The following SUGCT variants were observed in gnomAD, a reference collection of about 807,000 sequenced individuals.
SUGCT encodes the protein succinyl-CoA:glutarate-CoA transferase, also known as succinyl-CoA:glutarate CoA-transferase.
SUGCT carries 41 observed loss-of-function variants against 55.0 expected under a neutral mutation model. That is an observed-to-expected ratio of 0.74 (90% CI 0.58 to 0.97). SUGCT has a LOEUF of 0.97. Ranked by LOEUF, SUGCT falls within the 50% of genes least tolerant of loss-of-function variation. The probability of loss-of-function intolerance (pLI) is 0.00; values close to 1 mark genes in which losing one functional copy is unlikely to be tolerated. For missense variants in SUGCT, 568 were observed against 547.8 expected (o/e 1.04, Z -0.37); for synonymous variants, 187 against 200.4 (o/e 0.93, Z 0.56).
chr7:40,814,318 T>C (rs1791565095), intron 13 of SUGCT, among the ~76,000 whole-genome samples: 1 of 152,280 alleles, frequency 6.6e-6, no homozygotes, highest in Admixed American at 6.5e-5. Flanking sequence ...CTCTTTCTCC[T>C]TCTGTCTCAG....
At chr7:40,910,933 A>G in the SUGCT span, among the ~76,000 whole-genome samples, 2,239 of 152,300 alleles carry the variant, frequency 0.015, 48 homozygotes, top group African/African-American at 0.051. Flanking sequence ...GTTAGTAGTA[A>G]AGACCATCCT....
intron 9 of SUGCT, among the ~76,000 whole-genome samples, chr7:40,352,172 A>C (rs1200434954): frequency 6.6e-6 from 1 of 152,196 alleles, no homozygotes; most frequent in Non-Finnish European, 1.5e-5. Flanking sequence ...TTGTTCTGAG[A>C]TAATTGTGGA....
intron 13 of SUGCT, among the ~76,000 whole-genome samples, chr7:40,826,065 C>G (rs1792297362): frequency 6.6e-6 from 1 of 152,154 alleles, no homozygotes; most frequent in Admixed American, 6.5e-5. Context: ...ATAAACAACT[C>G]AAGTACTGCA....
chr7:40,866,635 A>T, the SUGCT span, among the ~76,000 whole-genome samples: 1 of 151,750 alleles, frequency 6.6e-6, no homozygotes, highest in South Asian at 2.1e-4. Flanking sequence ...ATTCTCAGAA[A>T]CACGACAGAG....
At chr7:40,943,330 G>A in the SUGCT span, among the ~76,000 whole-genome samples, 1 of 150,182 alleles carries the variant, frequency 6.7e-6, no homozygotes, top group Admixed American at 6.6e-5. Context: ...TGCACAATGT[G>A]CAGGTTAGTT....
intron 12 of SUGCT, among the ~76,000 whole-genome samples, chr7:40,682,186 G>A (rs1584265853): frequency 6.6e-6 from 1 of 152,152 alleles, no homozygotes; most frequent in Non-Finnish European, 1.5e-5. Context: ...TGCTAAAAGA[G>A]GGGTCCCTGC....
At chr7:40,167,046 T>A (rs1275483415) in intron 1 of SUGCT, among the ~76,000 whole-genome samples, 2 of 152,214 alleles carry the variant, frequency 1.3e-5, no homozygotes, top group African/African-American at 2.4e-5. Flanking sequence ...GCTAAGTATT[T>A]ACACAAGAGA....
In SUGCT at chr7:40,354,883, A is replaced by C. The variant is rs1271732385; in HGVS notation, c.816+38028A>C. Among the ~76,000 whole-genome samples the C allele has an allele frequency of 3.3e-5, 5 of 152,324 alleles. No homozygotes were observed. In the East Asian group the frequency reaches 9.6e-4, roughly 29 times the overall value. On this transcript the variant is annotated intron_variant, in intron 9 of 13. Transcript: ENST00000335693. Reference sequence around the variant, plus strand: ...TAAATAGTTTACATAATTTCAGTCTACACATTATTATGAGGTTGACCCTAT... The same window carrying C: ...TAAATAGTTTACATAATTTCAGTCTCCACATTATTATGAGGTTGACCCTAT...
the SUGCT span, among the ~76,000 whole-genome samples, chr7:40,870,503 C>A: frequency 4.6e-5 from 7 of 152,332 alleles, no homozygotes; most frequent in Middle Eastern, 3.4e-3. Flanking sequence ...ATCTCAAGAT[C>A]TTTCATTTAA....
chr7:40,713,630 C>T (rs539855034), intron 12 of SUGCT, among the ~76,000 whole-genome samples: 1 of 152,302 alleles, frequency 6.6e-6, no homozygotes, highest in East Asian at 1.9e-4. Context: ...TGTGTTTAAC[C>T]TTTGGGCCTT....
the SUGCT span, among the ~76,000 whole-genome samples, chr7:40,908,174 C>G: frequency 1.3e-5 from 2 of 151,370 alleles, no homozygotes; most frequent in Non-Finnish European, 2.9e-5. Flanking sequence ...GTCAGGAGAT[C>G]GAGACCATTC....
At chr7:40,826,725 C>G (rs1792330951) in intron 13 of SUGCT, among the ~76,000 whole-genome samples, 1 of 152,162 alleles carries the variant, frequency 6.6e-6, no homozygotes, top group Non-Finnish European at 1.5e-5. Context: ...GGGCATCAGT[C>G]TTTGTAAGTA....
At chr7:40,812,126 T>C (rs938847687) in intron 13 of SUGCT, among the ~76,000 whole-genome samples, 2 of 152,160 alleles carry the variant, frequency 1.3e-5, no homozygotes, top group African/African-American at 4.8e-5. Flanking sequence ...TCATGGCAAA[T>C]TAACTTTTTT....
At chr7:40,839,840 G>GT (rs1341595235) in intron 13 of SUGCT, among the ~76,000 whole-genome samples, 1 of 129,536 alleles carries the variant, frequency 7.7e-6, no homozygotes, top group Non-Finnish European at 1.6e-5. Flanking sequence ...CTATTCTACA[G>GT]TAAGTTTGAC....
chr7:40,550,165 G>A (rs141413452), intron 12 of SUGCT, among the ~76,000 whole-genome samples: 3,110 of 152,236 alleles, frequency 0.02, 52 homozygotes, highest in South Asian at 0.066. Context: ...TGTTATCTAT[G>A]CTGGTGGCTC....
chr7:40,704,445 A>C (rs1420019960), intron 12 of SUGCT, among the ~76,000 whole-genome samples: 1 of 152,144 alleles, frequency 6.6e-6, no homozygotes, highest in East Asian at 1.9e-4. Flanking sequence ...GGGGGTGAGT[A>C]GTCAGGGAGG....
At chr7:40,915,528 A>G in the SUGCT span, among the ~76,000 whole-genome samples, 1 of 152,194 alleles carries the variant, frequency 6.6e-6, no homozygotes, top group African/African-American at 2.4e-5. Flanking sequence ...CAGGCTAATA[A>G]TGGGGACAGT....
intron 12 of SUGCT, among the ~76,000 whole-genome samples, chr7:40,646,584 A>G (rs940511385): frequency 6.6e-6 from 1 of 152,102 alleles, no homozygotes; most frequent in Non-Finnish European, 1.5e-5. Flanking sequence ...TTTCCTGTTC[A>G]GGACCTTCAC....
chr7:41,000,680 A>G, the SUGCT span, among the ~76,000 whole-genome samples: 2 of 152,276 alleles, frequency 1.3e-5, no homozygotes, highest in African/African-American at 4.8e-5. Context: ...TCTGATTTAT[A>G]TTTGCAAATA....
Sources: allele counts gnomAD v4.1 joint callset (sites outside exome capture counted in the v4.1 genomes callset), GRCh38; gene constraint gnomAD v4.1.1; transcripts MANE v1.5; gene names NCBI Gene and HGNC (gene_info 2026-07-23, HGNC 2026-07-21).